Variants in RECQL5 observed in about 807,000 individuals in gnomAD.
RECQL5 encodes ATP-dependent DNA helicase Q5.
RECQL5 carries 88 observed loss-of-function variants against 103.4 expected under a neutral mutation model. That is an observed-to-expected ratio of 0.85 (90% CI 0.72 to 1.02). The LOEUF is 1.02. Among genes scored for constraint, RECQL5 ranks in the 50% least tolerant of loss-of-function variants. RECQL5 has a pLI of 0.00. For missense variants in RECQL5, 1,232 were observed against 1,284.3 expected, an observed-to-expected ratio of 0.96 and a Z score of 0.62; for synonymous variants, 552 against 507.9, an observed-to-expected ratio of 1.09 and a Z score of -1.17.
chr17:75,662,561 T>G lies in RECQL5; in HGVS notation c.689A>C (p.Gln230Pro), dbSNP rs1408828599. Residue 230 changes from glutamine to proline, a missense_variant, in exon 4 of 20, where the codon CAA becomes CCA. Physicochemically the swap from Gln to Pro is moderately conservative, Grantham distance 76. Transcript: ENST00000317905. Reference protein sequence around the residue: ...CFRANLFYDVQFKELISDPYG... With the variant: ...CFRANLFYDVPFKELISDPYG... ...GGGATCAGAAATCAGTTCCTTGAAT[T>G]GCACATCATAGAAGAGGTTGGCCCG... The G allele has an allele frequency of 2.5e-6, 4 of 1,614,192 alleles. No individual in the cohort carries two copies. The highest frequency in any genetic ancestry group is 1.7e-6 in the Non-Finnish European group (2 of 1,180,042).
In RECQL5 at chr17:75,629,729, T is replaced by C; in HGVS notation, c.1926A>G (p.Pro642=). The C allele has an allele frequency of 6.2e-7, 1 of 1,612,082 alleles. No individual in the cohort carries two copies. Among genetic ancestry groups the C allele is most frequent in the Non-Finnish European group, 8.5e-7 (1 of 1,178,712 alleles). ...TCACCGAGTACACATGGGAGGCTGG[T>C]GGAATGTCATACTCATTGGGCTCCG... is the stretch of plus-strand genomic sequence containing the variant. ...EPPEPNEYDI[P]PASHVYSLKP... The change falls in exon 15 of 20, where the codon CCA becomes CCG. Residue 642 remains proline (P), a synonymous_variant. Coordinates refer to ENST00000317905, the MANE Select transcript of RECQL5 (RefSeq NM_004259.7).
chr17:75,657,642 T>C (rs1055373923), intron 7 of RECQL5, among the ~76,000 whole-genome samples: 1 of 151,160 alleles, frequency 6.6e-6, no homozygotes, highest in Admixed American at 6.6e-5. Flanking sequence ...TGGTCCCAGC[T>C]ACTCAAGGTG....
At chr17:75,657,635 T>C (rs938212185) in intron 7 of RECQL5, among the ~76,000 whole-genome samples, 4 of 151,292 alleles carry the variant, frequency 2.6e-5, no homozygotes, top group Non-Finnish European at 4.4e-5. Context: ...ACACCTGTGG[T>C]CCCAGCTACT....
Position 75,665,065 on chromosome 17 carries a change from TGA to T in RECQL5, c.236_237del (p.Leu79HisfsTer36). 6.2e-7 allele frequency: 1 copy of T among 1,602,740 alleles called. No individual in the cohort carries two copies. The highest frequency in any genetic ancestry group is 8.5e-7 in the Non-Finnish European group (1 of 1,176,114). ...AKGITIVVSP[L>X]IALIQDQVDH... The stretch of plus-strand genomic sequence containing the variant: ...CTAAGCCTCACCTGAATCAAAGCAA[TGA>T]GAGGAGAGACTACAATGGTGATGCC... On this transcript the variant is annotated frameshift_variant, in exon 3 of 20. Transcript: ENST00000317905. LOFTEE classifies it high-confidence loss of function.
At position 75,661,028 on chromosome 17, in the gene RECQL5, A is replaced by C. The variant is rs1204291722; in HGVS notation, c.913T>G (p.Trp305Gly). ...ATTACAGGGACCTTCTCCTCCATCC[A>C]GTCGTTCTGCACCAGCGTTCTTTCA... Reference protein sequence around the residue: ...ASERTLVQNDWMEEKVPVIVA... With the variant: ...ASERTLVQNDGMEEKVPVIVA... Residue 305 changes from tryptophan to glycine, a missense_variant, in exon 6 of 20, where the codon TGG (tryptophan) becomes GGG (glycine). By Grantham distance (184) the Trp-to-Gly change is radical. Transcript: ENST00000317905. The C allele has an allele frequency of 1.9e-6, 3 of 1,614,200 alleles. No homozygotes were observed. Among genetic ancestry groups the C allele is most frequent in the South Asian group, 2.2e-5 (2 of 91,088 alleles).
chr17:75,657,460 A>G (rs1026608781), intron 7 of RECQL5, among the ~76,000 whole-genome samples: 6 of 152,010 alleles, frequency 3.9e-5, no homozygotes, highest in African/African-American at 1.2e-4. Context: ...ACAAAAGACA[A>G]TATTAAGGCC....
chr17:75,657,980 G>A (rs1053788273), intron 7 of RECQL5, among the ~76,000 whole-genome samples: 4 of 152,000 alleles, frequency 2.6e-5, no homozygotes, highest in Admixed American at 6.6e-5. Context: ...CCCGGGAGGC[G>A]GAGGTTGCAG....
chr17:75,662,681 G>A lies in RECQL5; in HGVS notation c.569C>T (p.Ala190Val), dbSNP rs772096029. 5 of 1,613,998 alleles carry A rather than the reference G, an allele frequency of 3.1e-6. No individual in the cohort carries two copies. Among genetic ancestry groups the A allele is most frequent in the Non-Finnish European group, 3.4e-6 (4 of 1,180,048 alleles). The change falls in exon 4 of 20, where the codon GCT becomes GTT. Residue 190 changes from alanine to valine, a missense_variant. Transcript: ENST00000317905. ...RSRLGHAPCVALTATATPQVQ... is the reference protein window; with the variant it reads ...RSRLGHAPCVVLTATATPQVQ... ...CTGTGGGGTGGCTGTGGCGGTCAGA[G>A]CCACACAAGGGGCATGTCCCAGGCG...
At chr17:75,650,559 C>T in intron 8 of RECQL5, 1 of 1,538,044 alleles carries the variant, frequency 6.5e-7, no homozygotes, top group Non-Finnish European at 8.8e-7. Flanking sequence ...CCGACAGGAT[C>T]ATTCCATGAG....
In RECQL5 at chr17:75,640,877, G is replaced by C. The variant is rs1483129972; in HGVS notation, c.1230-9209C>G. Reference sequence around the variant, plus strand: ...TGAGCGGAGAGGCAGGAAGGTCCAGGTGCAGCCGACACCACCATGACGGAC... The same window carrying C: ...TGAGCGGAGAGGCAGGAAGGTCCAGCTGCAGCCGACACCACCATGACGGAC... On this transcript the variant is annotated intron_variant, in intron 8 of 19. Transcript: ENST00000317905. This position sits in a 1 kb window ranked among gnomAD's most constrained non-coding sequence, Gnocchi z 4.6. 6.5e-6 allele frequency: 10 copies of C among 1,546,364 alleles called. No individual in the cohort carries two copies. The highest frequency in any genetic ancestry group is 7.0e-6 in the Non-Finnish European group (8 of 1,146,960).
chr17:75,647,129 T>C (rs1281480513), intron 8 of RECQL5, among the ~76,000 whole-genome samples: 4 of 152,160 alleles, frequency 2.6e-5, no homozygotes, highest in Non-Finnish European at 5.9e-5. Context: ...CTAGGAAGAA[T>C]CCAGGGCCCC....
intron 3 of RECQL5, among the ~76,000 whole-genome samples, chr17:75,663,911 A>G (rs2059731966): frequency 6.6e-6 from 1 of 152,120 alleles, no homozygotes; most frequent in African/African-American, 2.4e-5. Flanking sequence ...AAAATTAGCC[A>G]GGCATGGTGG....
Position 75,631,679 on chromosome 17 carries a change from C to T in RECQL5, c.1230-11G>A, listed in dbSNP as rs1248252761. 6.2e-7 allele frequency: 1 copy of T among 1,609,302 alleles called. No individual in the cohort carries two copies. Among genetic ancestry groups the T allele is most frequent in the Non-Finnish European group, 8.5e-7 (1 of 1,179,018 alleles). On this transcript the variant is annotated splice_polypyrimidine_tract_variant and intron_variant, in intron 8 of 19. Transcript: ENST00000317905. ...GCGGCATGGCGGCACCTGGAGCAGG[C>T]AGCACCGCAGAGGTGAGGGGCGGAG...
In RECQL5 at chr17:75,628,416, C is replaced by T. The variant is rs751609053; in HGVS notation, c.2607G>A (p.Lys869=). 8.1e-6 allele frequency: 13 copies of T among 1,613,748 alleles called. No individual in the cohort carries two copies. Among genetic ancestry groups the T allele is most frequent in the Non-Finnish European group, 9.3e-6 (11 of 1,180,014 alleles). The part of the protein sequence containing the change: ...QQENPESQPQ[K]RPRPSAKPSV... ...AGGGCTTGGCTGAGGGGCGTGGCCT[C>T]TTCTGAGGCTGGCTCTCTGGGTTCT... is the stretch of plus-strand genomic sequence containing the variant. The change falls in exon 18 of 20, where the codon AAG becomes AAA. Residue 869 remains lysine (K), a synonymous_variant. Coordinates refer to ENST00000317905, the MANE Select transcript of RECQL5 (RefSeq NM_004259.7).
rs991311135 is a variant in RECQL5, at chr17:75,628,513, C to T, written c.2581-71G>A. 6.4e-6 allele frequency: 10 copies of T among 1,559,032 alleles called. No homozygotes were observed. In the African/African-American group the frequency reaches 1.4e-4, roughly 21 times the overall value. ...TGGCCTGCTCCCCTCCTCCAGAAGA[C>T]TGGGTCCCCGCACCAGCTGCCTCTC... On this transcript the variant is annotated intron_variant, in intron 17 of 19. Coordinates refer to ENST00000317905, the MANE Select transcript of RECQL5 (RefSeq NM_004259.7).
intron 6 of RECQL5, among the ~76,000 whole-genome samples, chr17:75,659,316 T>A (rs2059668895): frequency 6.6e-6 from 1 of 152,186 alleles, no homozygotes; most frequent in African/African-American, 2.4e-5. Flanking sequence ...TGCCTCGGCC[T>A]CCCAAAGTGC....
chr17:75,644,489 C>A (rs1056652998), intron 8 of RECQL5, among the ~76,000 whole-genome samples: 2 of 151,850 alleles, frequency 1.3e-5, no homozygotes, highest in South Asian at 2.1e-4. Flanking sequence ...CACCTGTGGT[C>A]CCAGCTACTC....
Position 75,640,826 on chromosome 17 carries a change from T to TGCTGCTGCACTC in RECQL5, c.1230-9170_1230-9159dup, listed in dbSNP as rs770328446. 7 of 1,548,820 alleles carry TGCTGCTGCACTC rather than the reference T, an allele frequency of 4.5e-6. No individual in the cohort carries two copies. The South Asian group carries it at 8.3e-5, about 18-fold the overall frequency. On this transcript the variant is annotated intron_variant, in intron 8 of 19. Transcript: ENST00000317905. The surrounding 1 kb of genome is among the most constrained non-coding windows in gnomAD (Gnocchi z 4.6). ...GCTGTTGCTGCTGATAGCCTGCAGC[T>TGCTGCTGCACTC]GCTGCTGCACTCACTGCTGCTGCCC...
intron 8 of RECQL5, chr17:75,649,864 G>C (rs920894074): frequency 6.6e-5 from 65 of 985,506 alleles, no homozygotes; most frequent in Middle Eastern, 1.0e-3. Context: ...CCAGCCCCTG[G>C]CAACCAGGCC....
Sources: gnomAD v4.1 joint callset for allele counts (sites outside exome capture counted in the v4.1 genomes callset) on GRCh38, gnomAD v4.1.1 for gene constraint, Gnocchi (gnomAD v3.1) non-coding constraint, MANE v1.5 for transcripts, NCBI Gene and HGNC (gene_info 2026-07-23, HGNC 2026-07-21) for gene names.